GRAMD4: variants seen among roughly 807,000 people sequenced by gnomAD.
GRAMD4 encodes the protein GRAM domain containing 4, also known as GRAM domain-containing protein 4.
GRAMD4 carries 25 observed loss-of-function variants against 83.9 expected under a neutral mutation model. That is an observed-to-expected ratio of 0.30 (90% CI 0.22 to 0.42). GRAMD4 has a LOEUF of 0.42. Among genes scored for constraint, GRAMD4 ranks in the 10% least tolerant of loss-of-function variants. The pLI, the probability that GRAMD4 is intolerant of heterozygous loss-of-function variation, is 1.00. For missense variants in GRAMD4, 593 were observed against 788.7 expected (o/e 0.75, Z 2.97); for synonymous variants, 336 against 320.9 (o/e 1.05, Z -0.50).
chr22:46,670,364 A>G (rs2082483416), intron 13 of GRAMD4, among the ~76,000 whole-genome samples: 1 of 152,204 alleles, frequency 6.6e-6, no homozygotes, highest in African/African-American at 2.4e-5. Context: ...GGGCAGAGCC[A>G]GATCTGATCA....
At chr22:46,613,080 G>T (rs1228280268) in intron 1 of GRAMD4, among the ~76,000 whole-genome samples, 1 of 152,242 alleles carries the variant, frequency 6.6e-6, no homozygotes, top group South Asian at 2.1e-4. Context: ...CCTCCCCAGC[G>T]CCTGTGGTTA....
intron 2 of GRAMD4, among the ~76,000 whole-genome samples, chr22:46,636,775 G>A (rs931833589): frequency 6.6e-6 from 1 of 152,224 alleles, no homozygotes; most frequent in Non-Finnish European, 1.5e-5. Flanking sequence ...TGGCTGTGCC[G>A]GGCATGGCCC....
chr22:46,670,909 G>A (rs1289223240), intron 13 of GRAMD4: 3 of 230,310 alleles, frequency 1.3e-5, no homozygotes, highest in South Asian at 1.1e-4. Context: ...GGCCCCTGCT[G>A]TCCTTTTTTG....
chr22:46,643,175 C>CCATGCATG (rs1601620109), intron 3 of GRAMD4, among the ~76,000 whole-genome samples: 1 of 141,910 alleles, frequency 7.0e-6, no homozygotes, highest in Non-Finnish European at 1.5e-5. Context: ...ATCCATCCAT[C>CCATGCATG]CATCCATCCA....
At chr22:46,603,702 G>C (rs2081337960) in intron 1 of GRAMD4, among the ~76,000 whole-genome samples, 1 of 150,560 alleles carries the variant, frequency 6.6e-6, no homozygotes, top group Middle Eastern at 3.4e-3. Context: ...ATTTTTAGTA[G>C]AGACGGGGTT....
intron 1 of GRAMD4, among the ~76,000 whole-genome samples, chr22:46,606,874 G>A (rs2081370633): frequency 6.6e-6 from 1 of 152,268 alleles, no homozygotes; most frequent in Non-Finnish European, 1.5e-5. Flanking sequence ...CAGCTCTTTG[G>A]ATTATACCCA....
At chr22:46,604,161 G>A (rs564413665) in intron 1 of GRAMD4, among the ~76,000 whole-genome samples, 6 of 152,138 alleles carry the variant, frequency 3.9e-5, no homozygotes, top group Non-Finnish European at 7.3e-5. Flanking sequence ...TTTGAACTCC[G>A]CTGCTGCCCC....
At chr22:46,666,228 A>AG (rs1178289516) in intron 9 of GRAMD4, among the ~76,000 whole-genome samples, 1 of 152,074 alleles carries the variant, frequency 6.6e-6, no homozygotes, top group Non-Finnish European at 1.5e-5. Flanking sequence ...GTGGAGGCTG[A>AG]GGGGGGCTCT....
At chr22:46,658,451 C>A in intron 4 of GRAMD4, 144 bp downstream of exon 4, 1 of 772,892 alleles carries the variant, frequency 1.3e-6, no homozygotes, top group Non-Finnish European at 2.1e-6. Flanking sequence ...AGGGTGGGCC[C>A]GGCTCTGACT....
At chr22:46,613,502 G>A (rs918641050) in intron 1 of GRAMD4, among the ~76,000 whole-genome samples, 6 of 152,274 alleles carry the variant, frequency 3.9e-5, no homozygotes, top group Non-Finnish European at 4.4e-5. Flanking sequence ...CCGAGCTGCT[G>A]TCGCTGTGGT....
At position 46,658,290 on chromosome 22, in the gene GRAMD4, G is replaced by A. The variant is rs1054478739; in HGVS notation, c.387G>A (p.Gln129=). The change falls in exon 4 of 19, where the codon CAG becomes CAA. Residue 129 remains glutamine (Q), a synonymous_variant. Coordinates refer to ENST00000406902, the MANE Select transcript of GRAMD4 (RefSeq NM_015124.5). ...QRRMELEQKV[Q]EVLKARTEEQ... ...GGATGGAGCTGGAGCAGAAGGTGCA[G>A]GAGGTGCTGAAGGCCAGGTACCGCG... 9.3e-6 allele frequency: 15 copies of A among 1,611,972 alleles called. No individual in the cohort carries two copies. The highest frequency in any genetic ancestry group is 1.3e-5 in the African/African-American group (1 of 74,882).
Position 46,677,549 on chromosome 22 carries a change from C to T in GRAMD4, c.*298C>T, listed in dbSNP as rs1367617941. The T allele has an allele frequency of 1.7e-6, 2 of 1,160,954 alleles. No homozygotes were observed. Among genetic ancestry groups the T allele is most frequent in the Non-Finnish European group, 2.1e-6 (2 of 936,858 alleles). 71.9% of individuals were successfully genotyped at this position (1,160,954 alleles called of 1,614,324 possible). A position where few individuals can be genotyped will look rare whatever the true frequency, so the allele number is the denominator to read the frequency against. Reference sequence around the variant, plus strand: ...GGCCCGTGGAGAAGACACACAGGACCCCTGGCCCTGCCCTTCTCCGTTCCA... The same window carrying T: ...GGCCCGTGGAGAAGACACACAGGACTCCTGGCCCTGCCCTTCTCCGTTCCA... On this transcript the variant is annotated 3_prime_UTR_variant, in exon 19 of 19. Coordinates refer to ENST00000406902, the MANE Select transcript of GRAMD4 (RefSeq NM_015124.5).
intron 1 of GRAMD4, among the ~76,000 whole-genome samples, chr22:46,607,602 A>G (rs954090940): frequency 6.6e-6 from 1 of 152,194 alleles, no homozygotes; most frequent in Non-Finnish European, 1.5e-5. Flanking sequence ...GCATCCTGAC[A>G]TGCCTGCTTG....
rs200004764 is a variant in GRAMD4 at position 46,663,876 on chromosome 22, G to A, written c.625+13G>A. The A allele has an allele frequency of 1.6e-5, 26 of 1,613,050 alleles. No homozygotes were observed. Among genetic ancestry groups the A allele is most frequent in the African/African-American group, 2.7e-5 (2 of 75,018 alleles). On this transcript the variant is annotated intron_variant, in intron 7 of 18. Transcript: ENST00000406902. ...ATGAGACGGCTCAGTGAGTACCAGCGGCTCTGCGTGGCGCCCACGATGCTC... is the reference window on the plus strand; with the variant it reads ...ATGAGACGGCTCAGTGAGTACCAGCAGCTCTGCGTGGCGCCCACGATGCTC...
chr22:46,616,869 C>T (rs866894258), upstream of GRAMD4, among the ~76,000 whole-genome samples: 72 of 13,500 alleles, frequency 5.3e-3, 10 homozygotes, highest in Admixed American at 0.011. Context: ...TAGGTTCCCC[C>T]GTGTGTAGGT....
chr22:46,611,265 G>A (rs1245597069), intron 1 of GRAMD4, among the ~76,000 whole-genome samples: 1 of 151,582 alleles, frequency 6.6e-6, no homozygotes, highest in Non-Finnish European at 1.5e-5. Flanking sequence ...CGGTCACTCT[G>A]CCAGGGTCCC....
chr22:46,601,434 A>T (rs1292105823), intron 1 of GRAMD4, among the ~76,000 whole-genome samples: 2 of 152,102 alleles, frequency 1.3e-5, no homozygotes, highest in Non-Finnish European at 2.9e-5. Flanking sequence ...ATTCTCTGCC[A>T]TGTGAATTAG....
At chr22:46,671,270 C>T (rs541483102) in intron 13 of GRAMD4, 28 of 240,408 alleles carry the variant, frequency 1.2e-4, no homozygotes, top group Middle Eastern at 1.8e-3. Flanking sequence ...TGTCCGGACA[C>T]GGTGGCTCAC....
At chr22:46,587,353 G>C (rs547373367) in intron 1 of GRAMD4, among the ~76,000 whole-genome samples, 5 of 152,282 alleles carry the variant, frequency 3.3e-5, no homozygotes, top group Non-Finnish European at 7.3e-5. Context: ...TCAGGTTTAA[G>C]TGTGTGGGGG....
Sources: gnomAD v4.1 joint callset for allele counts (sites outside exome capture counted in the v4.1 genomes callset) on GRCh38, gnomAD v4.1.1 for gene constraint, MANE v1.5 for transcripts, NCBI Gene and HGNC (gene_info 2026-07-23, HGNC 2026-07-21) for gene names.